ACIN1: variants seen among roughly 807,000 people sequenced by gnomAD.
ACIN1 encodes apoptotic chromatin condensation inducer in the nucleus.
ACIN1 carries 16 observed loss-of-function variants against 146.6 expected under a neutral mutation model. That is an observed-to-expected ratio of 0.11 (90% CI 0.07 to 0.17). ACIN1 has a LOEUF of 0.17. ACIN1 is among the 10% of genes least tolerant of loss of function. The pLI is 1.00. For synonymous variants in ACIN1, 569 were observed against 582.7 expected, an observed-to-expected ratio of 0.98 and a Z score of 0.34; for missense variants, 1,357 against 1,609.3, an observed-to-expected ratio of 0.84 and a Z score of 2.68.
In ACIN1 at chr14:23,090,532, T is replaced by G; in HGVS notation, c.306A>C (p.Ala102=). 6.2e-6 allele frequency: 10 copies of G among 1,613,960 alleles called. No individual in the cohort carries two copies. The highest frequency in any genetic ancestry group is 8.5e-6 in the Non-Finnish European group (10 of 1,179,838). ...ACAATCTGGGCTTACCTTCAAGTTC[T>G]GCAGCTTCTCGAGCTTCACGTTCCA... ...QRLEREAREA[A]ELEEASAESE... is the part of the protein sequence containing the mutation. The change falls in exon 3 of 19, where the codon GCA becomes GCC. Residue 102 remains alanine, a synonymous_variant. Transcript: ENST00000605057.
At chr14:23,070,598 G>C (rs1008976284) in intron 8 of ACIN1, among the ~76,000 whole-genome samples, 1 of 151,994 alleles carries the variant, frequency 6.6e-6, no homozygotes, top group African/African-American at 2.4e-5. Flanking sequence ...TTTGATTTCT[G>C]TCTTCGTCCC....
intron 18 of ACIN1, among the ~76,000 whole-genome samples, chr14:23,060,106 T>TGCCA (rs1271135490): frequency 6.6e-6 from 1 of 151,920 alleles, no homozygotes; most frequent in Non-Finnish European, 1.5e-5. Context: ...TACAGGTGTC[T>TGCCA]GCCACCATGC....
Position 23,080,397 on chromosome 14 carries a change from T to C in ACIN1, c.938A>G (p.Glu313Gly), listed in dbSNP as rs750915168. The change falls in exon 6 of 19, where the codon GAA becomes GGA. Residue 313 changes from glutamate to glycine, a missense_variant. Transcript: ENST00000605057. Reference protein sequence around the residue: ...MKTTSPLEEEEREIKSSQGLK... With the variant: ...MKTTSPLEEEGREIKSSQGLK... The stretch of plus-strand genomic sequence containing the variant: ...GCCTTGTGAAGATTTTATTTCTCTT[T>C]CTTCCTCCTCAAGGGGAGATGTTGT... The C allele has an allele frequency of 1.9e-6, 3 of 1,614,192 alleles. No individual in the cohort carries two copies. Among genetic ancestry groups the C allele is most frequent in the South Asian group, 1.1e-5 (1 of 91,082 alleles).
intron 1 of ACIN1, among the ~76,000 whole-genome samples, chr14:23,094,261 T>C (rs2048307739): frequency 6.6e-6 from 1 of 152,084 alleles, no homozygotes; most frequent in Non-Finnish European, 1.5e-5. Flanking sequence ...CATCCTCATC[T>C]TCCCTTCTTT....
At position 23,067,616 on chromosome 14, in the gene ACIN1, G is replaced by T. The variant is rs2047500529; in HGVS notation, c.2266-1608C>A. On this transcript the variant is annotated intron_variant, in intron 9 of 18. Transcript: ENST00000605057. The surrounding 1 kb of genome is among the most constrained non-coding windows in gnomAD (Gnocchi z 4.6). ...AGGGGGGAAAGGGGCAGAGACATCAGTCCTGGCCCTGAAGGGACATCATCT... is the reference window on the plus strand; with the variant it reads ...AGGGGGGAAAGGGGCAGAGACATCATTCCTGGCCCTGAAGGGACATCATCT... The T allele has an allele frequency of 1.5e-5, 15 of 985,974 alleles. No individual in the cohort carries two copies. Among genetic ancestry groups the T allele is most frequent in the Non-Finnish European group, 1.8e-5 (15 of 829,996 alleles). 61.1% of individuals were successfully genotyped at this position (985,974 alleles called of 1,614,324 possible).
intron 8 of ACIN1, among the ~76,000 whole-genome samples, chr14:23,074,207 G>A (rs892301456): frequency 4.0e-5 from 6 of 151,670 alleles, no homozygotes; most frequent in Non-Finnish European, 7.4e-5. Context: ...CACAAGAGGC[G>A]TGTGTTTTCT....
chr14:23,065,597 C>T (rs1490002018), intron 10 of ACIN1, among the ~76,000 whole-genome samples: 1 of 151,956 alleles, frequency 6.6e-6, no homozygotes, highest in Non-Finnish European at 1.5e-5. Flanking sequence ...CTCAAAAAAA[C>T]AACAACAAAA....
intron 8 of ACIN1, 33 bp from the exon 9 acceptor site, chr14:23,069,650 G>GA: frequency 8.0e-7 from 1 of 1,244,858 alleles, no homozygotes; most frequent in Non-Finnish European, 1.2e-6. Context: ...GTGGGGGGGC[G>GA]GGCAGAAAAG....
chr14:23,071,879 T>C (rs552809261), intron 8 of ACIN1, among the ~76,000 whole-genome samples: 16 of 152,036 alleles, frequency 1.1e-4, no homozygotes, highest in African/African-American at 3.9e-4. Context: ...AGGCAAACAG[T>C]AGAGGTGGGA....
chr14:23,076,986 G>A (rs528385523), intron 8 of ACIN1, among the ~76,000 whole-genome samples: 1 of 152,196 alleles, frequency 6.6e-6, no homozygotes, highest in Non-Finnish European at 1.5e-5. Context: ...AAAGGAAGTA[G>A]AGTGAACTTT....
intron 10 of ACIN1, chr14:23,064,689 G>A: frequency 1.6e-6 from 1 of 629,522 alleles, no homozygotes; most frequent in East Asian, 3.0e-5. Flanking sequence ...ACGAGGTCAG[G>A]AGTTTGAGAC....
Position 23,059,947 on chromosome 14 carries a change from G to A in ACIN1, c.3526-473C>T, listed in dbSNP as rs772513496. On this transcript the variant is annotated intron_variant, in intron 18 of 18. Transcript: ENST00000605057. ...TGGGATTACAGGCGTGAGCCACCGC[G>A]CCCCGCCAGTTTTTTTTTTTTTTTT... 3.3e-4 allele frequency among the ~76,000 whole-genome samples: 45 copies of A among 135,768 alleles called. 1 individual carries two copies. The highest frequency in any genetic ancestry group is 4.5e-4 in the Non-Finnish European group (29 of 64,438). 89.1% of individuals were successfully genotyped at this position (135,768 alleles called of 152,430 possible).
chr14:23,062,810 A>G (rs2047330200), intron 14 of ACIN1, 119 bp downstream of exon 14: 4 of 1,195,232 alleles, frequency 3.3e-6, no homozygotes, highest in South Asian at 3.0e-5. Context: ...ACTCAAGATC[A>G]GTGAGTAACT....
rs1206489512 is a variant in ACIN1, at chr14:23,090,514, G to A, written c.316+8C>T. 1.2e-6 allele frequency: 2 copies of A among 1,612,652 alleles called. No homozygotes were observed. Among genetic ancestry groups the A allele is most frequent in the Non-Finnish European group, 1.7e-6 (2 of 1,178,846 alleles). On this transcript the variant is annotated splice_region_variant and intron_variant, in intron 3 of 18. Transcript: ENST00000605057. ...AACTCCTTGTTAAAAGTGACAATCTGGGCTTACCTTCAAGTTCTGCAGCTT... is the reference window on the plus strand; with the variant it reads ...AACTCCTTGTTAAAAGTGACAATCTAGGCTTACCTTCAAGTTCTGCAGCTT...
At chr14:23,069,760 G>A (rs2047573025) in intron 8 of ACIN1, 143 bp from the exon 9 acceptor site, 2 of 728,860 alleles carry the variant, frequency 2.7e-6, no homozygotes, top group South Asian at 3.9e-5. Context: ...TCTGATCAAG[G>A]TTAGAGACCT....
chr14:23,077,377 G>A (rs1447598388), intron 8 of ACIN1, among the ~76,000 whole-genome samples: 5 of 152,154 alleles, frequency 3.3e-5, no homozygotes, highest in African/African-American at 4.8e-5. Context: ...TAAAAGCTAC[G>A]CAATCTTATT....
At chr14:23,088,719 A>G (rs1429095156) in intron 4 of ACIN1, among the ~76,000 whole-genome samples, 1 of 152,146 alleles carries the variant, frequency 6.6e-6, no homozygotes, top group Non-Finnish European at 1.5e-5. Flanking sequence ...AACAATCCAC[A>G]TGTCTTATAT....
chr14:23,064,212 C>T lies in ACIN1; in HGVS notation c.2488G>A (p.Val830Met), dbSNP rs1594745812. 1 of 1,614,174 alleles carries T rather than the reference C, an allele frequency of 6.2e-7. No homozygotes were observed. Among genetic ancestry groups the T allele is most frequent in the Non-Finnish European group, 8.5e-7 (1 of 1,180,044 alleles). ...IKPLAGQEAVVDLHADDSRIS... is the reference protein window; with the variant it reads ...IKPLAGQEAVMDLHADDSRIS... ...CGAGAGTCATCAGCATGAAGATCCACAACAGCCTCCTGCCCCGCCAGGGGT... is the reference window on the plus strand; with the variant it reads ...CGAGAGTCATCAGCATGAAGATCCATAACAGCCTCCTGCCCCGCCAGGGGT... The change falls in exon 12 of 19, where the codon GTG becomes ATG. Residue 830 changes from valine (V) to methionine (M), a missense_variant. Val to Met is a conservative substitution (Grantham distance 21). Transcript: ENST00000605057.
At chr14:23,095,593 C>A (rs2048357547), upstream of ACIN1, 2 of 374,800 alleles carry the variant, frequency 5.3e-6, no homozygotes, top group Admixed American at 4.4e-5. Flanking sequence ...TGACAATCTT[C>A]GGGTGCCCTT....
Sources: allele counts gnomAD v4.1 joint callset (sites outside exome capture counted in the v4.1 genomes callset), GRCh38; gene constraint gnomAD v4.1.1; non-coding constraint Gnocchi (gnomAD v3.1); transcripts MANE v1.5; gene names NCBI Gene and HGNC (gene_info 2026-07-23, HGNC 2026-07-21).